The following MGAT5 variants were observed in gnomAD, a reference collection of about 807,000 sequenced individuals.
MGAT5 encodes the protein alpha-1,6-mannosylglycoprotein 6-beta-N-acetylglucosaminyltransferase, also known as alpha-1,6-mannosylglycoprotein 6-beta-N-acetylglucosaminyltransferase A.
In MGAT5, 30 loss-of-function variants were observed where a neutral mutation model predicts 94.3. That is an observed-to-expected ratio of 0.32 (90% confidence interval 0.24 to 0.43). The LOEUF (loss-of-function observed/expected upper bound fraction) is 0.43, where lower values mean the gene tolerates loss of function less well. MGAT5 is among the 20% of genes least tolerant of loss of function. MGAT5 has a pLI of 1.00. For missense variants in MGAT5, 691 were observed against 905.5 expected (o/e 0.76, Z 3.04); for synonymous variants, 310 against 322.9 (o/e 0.96, Z 0.43).
In MGAT5 at chr2:134,193,323, C is replaced by T. The variant is rs10203183; in HGVS notation, c.-142-60939C>T. Among the ~76,000 whole-genome samples the T allele has an allele frequency of 6.7e-3, 1,015 of 152,012 alleles. 10 individuals are homozygous for T. The highest frequency in any genetic ancestry group is 0.023 in the African/African-American group (939 of 41,470). ...GTAGAGATGGGGTCTCCCTGTGTTG[C>T]ATGGGCTCATCTTAAACTCTTGGAC... On this transcript the variant is annotated intron_variant, in intron 1 of 16. Transcript: ENST00000409645.
At chr2:134,171,390 G>A (rs1688200393) in intron 1 of MGAT5, among the ~76,000 whole-genome samples, 1 of 152,112 alleles carries the variant, frequency 6.6e-6, no homozygotes, top group Non-Finnish European at 1.5e-5. Flanking sequence ...CATTAGGATT[G>A]GTAAGAGCTT....
intron 1 of MGAT5, among the ~76,000 whole-genome samples, chr2:134,184,721 A>G (rs1352596209): frequency 6.6e-6 from 1 of 152,018 alleles, no homozygotes; most frequent in Non-Finnish European, 1.5e-5. Flanking sequence ...AAATATAATT[A>G]CTGATGTGTC....
At chr2:134,133,563 T>A (rs1686271845) in intron 1 of MGAT5, among the ~76,000 whole-genome samples, 2 of 152,044 alleles carry the variant, frequency 1.3e-5, no homozygotes, top group Admixed American at 1.3e-4. Flanking sequence ...CTGAGAAAAA[T>A]CCCCCAAATA....
intron 4 of MGAT5, 28 bp from the exon 5 acceptor site, chr2:134,336,189 C>T (rs201897167): frequency 1.3e-5 from 21 of 1,581,384 alleles, no homozygotes; most frequent in Non-Finnish European, 1.7e-5. Context: ...GATGAAGCTG[C>T]ATATTTAGTG....
chr2:134,283,235 A>G (rs1365561686), intron 2 of MGAT5, among the ~76,000 whole-genome samples: 1 of 152,186 alleles, frequency 6.6e-6, no homozygotes, highest in Non-Finnish European at 1.5e-5. Flanking sequence ...CAGTTCTCTC[A>G]TCTGTACAGC....
intron 1 of MGAT5, among the ~76,000 whole-genome samples, chr2:134,213,015 A>G (rs1680282884): frequency 6.6e-6 from 1 of 152,128 alleles, no homozygotes; most frequent in Admixed American, 6.5e-5. Flanking sequence ...TTGACATTGA[A>G]ATACTGTTTT....
chr2:134,204,887 C>A (rs530632735), intron 1 of MGAT5, among the ~76,000 whole-genome samples: 2 of 152,064 alleles, frequency 1.3e-5, no homozygotes, highest in Non-Finnish European at 2.9e-5. Flanking sequence ...TCTGAAAAGA[C>A]AAAGACAGGC....
chr2:134,412,920 A>G lies in MGAT5; in HGVS notation c.1582A>G (p.Ile528Val), dbSNP rs545500868. 4.5e-5 allele frequency: 72 copies of G among 1,614,080 alleles called. No homozygotes were observed. The highest frequency in any genetic ancestry group is 3.3e-4 in the Middle Eastern group (2 of 6,084). The change falls in exon 12 of 16, where the codon ATC (isoleucine) becomes GTC (valine). Residue 528 changes from isoleucine to valine, a missense_variant. Physicochemically the swap from Ile to Val is conservative, Grantham distance 29 (BLOSUM62 3). Around this residue, in one of 4 missense-constraint regions of MGAT5, gnomAD observed 260 missense variants for 347.0 expected, o/e 0.75. Transcript: ENST00000281923. ...PYEGPAPLEA[I>V]ANGCAFLNPK... ...CGAGGGCCCAGCTCCCCTGGAAGCT[A>G]TCGCAAATGGATGTGCTTTTCTGAA...
At chr2:134,369,824 T>A (rs1357156590) in intron 10 of MGAT5, among the ~76,000 whole-genome samples, 2 of 151,766 alleles carry the variant, frequency 1.3e-5, no homozygotes, top group African/African-American at 4.8e-5. Flanking sequence ...ACGGAAAAAA[T>A]TTGATGACAA....
intron 12 of MGAT5, among the ~76,000 whole-genome samples, chr2:134,419,267 C>G (rs760867572): frequency 6.6e-6 from 1 of 152,072 alleles, no homozygotes; most frequent in Non-Finnish European, 1.5e-5. Context: ...TTTTTCAAAC[C>G]ATGATGTCTA....
chr2:134,439,825 C>T (rs1252208601), intron 14 of MGAT5, among the ~76,000 whole-genome samples: 3 of 152,176 alleles, frequency 2.0e-5, no homozygotes, highest in Non-Finnish European at 4.4e-5. Context: ...CCAAGGGGCC[C>T]GCCTGGCAGC....
chr2:134,169,407 C>CACACAT (rs769239821), intron 1 of MGAT5, among the ~76,000 whole-genome samples: 5 of 123,124 alleles, frequency 4.1e-5, no homozygotes, highest in Admixed American at 8.5e-5. Context: ...CACACACACA[C>CACACAT]ACACAGACAC....
chr2:134,272,216 A>G (rs1558749638), intron 2 of MGAT5, among the ~76,000 whole-genome samples: 4 of 152,214 alleles, frequency 2.6e-5, no homozygotes, highest in Admixed American at 2.6e-4. Flanking sequence ...TTTCAAACGA[A>G]GTCTGGAAAT....
rs576961983 is a variant in MGAT5, at chr2:134,198,228, G to A, written c.-142-56034G>A. On this transcript the variant is annotated intron_variant, in intron 1 of 16. Coordinates refer to the MGAT5 transcript ENST00000409645. The stretch of plus-strand genomic sequence containing the variant: ...GTGTCTGCCTCTGCTAGCTCAGTGA[G>A]CCTGTTCACCAGCCCTCAGTTGCCC... Among the ~76,000 whole-genome samples the A allele has an allele frequency of 2.0e-5, 3 of 152,310 alleles. No individual in the cohort carries two copies. In the East Asian group the frequency reaches 5.8e-4, roughly 29 times the overall value.
At chr2:134,219,248 C>T (rs1680639643) in intron 1 of MGAT5, among the ~76,000 whole-genome samples, 2 of 152,104 alleles carry the variant, frequency 1.3e-5, no homozygotes, top group Non-Finnish European at 2.9e-5. Context: ...GTGGCAGGTG[C>T]AGAGGGGCCC....
intron 2 of MGAT5, among the ~76,000 whole-genome samples, chr2:134,293,616 A>G (rs1164064108): frequency 2.0e-5 from 3 of 152,040 alleles, no homozygotes; most frequent in Non-Finnish European, 4.4e-5. Flanking sequence ...CTATAGGTAT[A>G]CACCACCATG....
At chr2:134,411,940 G>C (rs931659036) in intron 11 of MGAT5, among the ~76,000 whole-genome samples, 2 of 152,198 alleles carry the variant, frequency 1.3e-5, no homozygotes, top group African/African-American at 4.8e-5. Context: ...AGGCTTTTAT[G>C]TGGGTAGAGA....
rs567700812 is a variant in MGAT5, at chr2:134,397,986, G to A, written c.1381-5002G>A. On this transcript the variant is annotated intron_variant, in intron 10 of 15. Transcript: ENST00000281923. ...CCTTGTGTTTCTTAAATAAAAAATA[G>A]GATTCATTATTGTATGTTTGTAAAA... Among the ~76,000 whole-genome samples, 54 of 152,250 alleles carry A rather than the reference G, an allele frequency of 3.5e-4. 1 individual carries two copies. In the East Asian group the frequency reaches 7.5e-3, roughly 21 times the overall value.
intron 2 of MGAT5, among the ~76,000 whole-genome samples, chr2:134,302,974 T>C (rs2105831582): frequency 1.3e-5 from 2 of 152,262 alleles, no homozygotes; most frequent in African/African-American, 4.8e-5. Flanking sequence ...TTCCTCAACA[T>C]ATTTGGGAAG....
Sources: allele counts gnomAD v4.1 joint callset (sites outside exome capture counted in the v4.1 genomes callset), GRCh38; gene constraint gnomAD v4.1.1; regional missense constraint gnomAD v4.1.1; transcripts MANE v1.5; gene names NCBI Gene and HGNC (gene_info 2026-07-23, HGNC 2026-07-21).